Variants in VPS13C observed in about 807,000 individuals in gnomAD.
The protein encoded by VPS13C is vacuolar protein sorting 13 homolog C, also known as intermembrane lipid transfer protein VPS13C.
In VPS13C, 358 loss-of-function variants were observed where a neutral mutation model predicts 456.8. That is an observed-to-expected ratio of 0.78 (90% CI 0.72 to 0.86). VPS13C has a LOEUF of 0.86. Ranked by LOEUF, VPS13C falls within the 40% of genes least tolerant of loss-of-function variation. The pLI, the probability that VPS13C is intolerant of heterozygous loss-of-function variation, is 0.00. For synonymous variants in VPS13C, 1,578 were observed against 1,486.7 expected (o/e 1.06, Z -1.41); for missense variants, 4,818 against 4,385.4 (o/e 1.10, Z -2.79).
Position 61,863,505 on chromosome 15 carries a change from T to G in VPS13C, c.10887A>C (p.Gly3629=). Residue 3629 remains glycine (G), a synonymous_variant, in exon 82 of 85, where the codon GGA becomes GGC. Transcript: ENST00000644861. The stretch of plus-strand genomic sequence containing the variant: ...TAGCACAGTGGTATCGGTAAGTCTC[T>G]CCTTCCAACTTTTTGATATGATTCT... The part of the protein sequence containing the change: ...LLENHIKKLE[G]ETYRYHCAIP... 1.9e-6 allele frequency: 3 copies of G among 1,612,862 alleles called. No individual in the cohort carries two copies. The highest frequency in any genetic ancestry group is 2.5e-6 in the Non-Finnish European group (3 of 1,179,178).
At chr15:61,981,743 GC>G (rs2045895652) in intron 21 of VPS13C, among the ~76,000 whole-genome samples, 1 of 152,050 alleles carries the variant, frequency 6.6e-6, no homozygotes, top group Non-Finnish European at 1.5e-5. Flanking sequence ...GGCGCCTGCA[GC>G]CCCAGCTACT....
intron 16 of VPS13C, among the ~76,000 whole-genome samples, chr15:61,997,635 C>G (rs930302958): frequency 2.0e-5 from 3 of 152,158 alleles, no homozygotes; most frequent in African/African-American, 7.2e-5. Flanking sequence ...CCAACTGCTC[C>G]AAGTCAAAAT....
chr15:62,054,726 A>C (rs577863561), intron 1 of VPS13C, among the ~76,000 whole-genome samples: 33 of 152,006 alleles, frequency 2.2e-4, no homozygotes, highest in African/African-American at 8.0e-4. Flanking sequence ...CCAGAACTTA[A>C]AGTAGAAGTA....
chr15:62,039,838 C>A (rs2048182715), intron 3 of VPS13C, among the ~76,000 whole-genome samples: 1 of 152,032 alleles, frequency 6.6e-6, no homozygotes, highest in Non-Finnish European at 1.5e-5. Flanking sequence ...ACCATATGAT[C>A]CCCCAATCCC....
chr15:62,055,389 G>A (rs909584827), intron 1 of VPS13C, among the ~76,000 whole-genome samples: 8 of 150,536 alleles, frequency 5.3e-5, no homozygotes, highest in East Asian at 3.9e-4. Flanking sequence ...CCCCATGCCC[G>A]GCTAATTTTT....
At chr15:61,872,599 T>A (rs1342058077) in intron 78 of VPS13C, among the ~76,000 whole-genome samples, 1 of 152,064 alleles carries the variant, frequency 6.6e-6, no homozygotes, top group Admixed American at 6.6e-5. Context: ...AACATGAATA[T>A]ACTAATACAT....
chr15:61,982,764 G>A (rs1365553546), intron 20 of VPS13C, among the ~76,000 whole-genome samples, 191 bp from the exon 21 acceptor site: 2 of 152,160 alleles, frequency 1.3e-5, no homozygotes, highest in East Asian at 3.8e-4. Flanking sequence ...CAAGCTTACT[G>A]GAGAGGCAAC....
At chr15:62,052,395 G>T (rs534209143) in intron 1 of VPS13C, among the ~76,000 whole-genome samples, 1 of 152,104 alleles carries the variant, frequency 6.6e-6, no homozygotes, top group Admixed American at 6.5e-5. Context: ...AGAATACCAG[G>T]CCTGGTGCGG....
intron 55 of VPS13C, among the ~76,000 whole-genome samples, chr15:61,920,985 G>C (rs1281121675): frequency 6.6e-6 from 1 of 152,100 alleles, no homozygotes; most frequent in Non-Finnish European, 1.5e-5. Flanking sequence ...AGAGGACCCT[G>C]AAGTCTAAAC....
At chr15:61,935,495 C>T (rs1262346178) in intron 48 of VPS13C, 1 of 152,186 alleles carries the variant, frequency 6.6e-6, no homozygotes, top group Non-Finnish European at 1.5e-5. Context: ...CCAAGTGACA[C>T]GGTGTCCATA....
At position 61,913,626 on chromosome 15, in the gene VPS13C, AGTTCTG is replaced by A. The variant is rs77838058; in HGVS notation, c.8446-217_8446-212del. On this transcript the variant is annotated intron_variant, in intron 61 of 84. Coordinates refer to ENST00000644861, the MANE Select transcript of VPS13C (RefSeq NM_020821.3). ...CTTCCTGAGAAAGTTTGAATGAGAAAGTTCTGACTTTCTCATTCACCTATGCAATGA... is the reference window on the plus strand; with the variant it reads ...CTTCCTGAGAAAGTTTGAATGAGAAAACTTTCTCATTCACCTATGCAATGA... 0.068 allele frequency among the ~76,000 whole-genome samples: 10,353 copies of A among 152,150 alleles called. 573 individuals are homozygous for A. Among genetic ancestry groups the A allele is most frequent in the East Asian group, 0.21 (1,059 of 5,160 alleles).
intron 49 of VPS13C, among the ~76,000 whole-genome samples, chr15:61,933,708 A>G (rs561662281): frequency 6.6e-6 from 1 of 152,238 alleles, no homozygotes; most frequent in South Asian, 2.1e-4. Flanking sequence ...TCATCATGGC[A>G]TAAGACCTTG....
chr15:61,865,544 G>T (rs1365909616), intron 81 of VPS13C: 1 of 890,410 alleles, frequency 1.1e-6, no homozygotes, highest in Non-Finnish European at 1.3e-6. Flanking sequence ...ATGTATATAT[G>T]TATGTGTAAA....
In VPS13C at chr15:61,918,224, A is replaced by C; in HGVS notation, c.7672T>G (p.Tyr2558Asp). The change falls in exon 59 of 85, where the codon TAT becomes GAT. Residue 2558 changes from tyrosine (Y) to aspartate (D), a missense_variant. This residue lies in a region of VPS13C where 4,552 missense variants were observed against 4,130.6 expected (regional missense o/e 1.10). Transcript: ENST00000644861. ...AGCTTAACATTCTTAACAAATTTAT[A>C]GATGATAAATGCAATGGAGAAATGG... Reference protein sequence around the residue: ...KNHFSIAFIIYKFVKNVKLLE... With the variant: ...KNHFSIAFIIDKFVKNVKLLE... 6.3e-7 allele frequency: 1 copy of C among 1,591,246 alleles called. No individual in the cohort carries two copies. The highest frequency in any genetic ancestry group is 8.5e-7 in the Non-Finnish European group (1 of 1,170,382).
chr15:62,040,120 C>T (rs1386703636), intron 3 of VPS13C, among the ~76,000 whole-genome samples: 1 of 152,076 alleles, frequency 6.6e-6, no homozygotes, highest in Non-Finnish European at 1.5e-5. Flanking sequence ...AATAGACAAG[C>T]TTCACATGTT....
At position 61,895,503 on chromosome 15, in the gene VPS13C, T is replaced by A. The variant is rs533945478; in HGVS notation, c.9106-5103A>T. On this transcript the variant is annotated intron_variant, in intron 66 of 84. Transcript: ENST00000644861. ...TCAAATCAATAAAATCAGACATGAA[T>A]AAGGAGACTTATAACAGTTGATACC... Among the ~76,000 whole-genome samples, 133 of 152,236 alleles carry A rather than the reference T, an allele frequency of 8.7e-4. No individual in the cohort carries two copies. The Middle Eastern group carries it at 0.01, about 12-fold the overall frequency.
intron 9 of VPS13C, among the ~76,000 whole-genome samples, chr15:62,017,210 A>G (rs1436404339): frequency 4.6e-5 from 7 of 152,102 alleles, no homozygotes; most frequent in South Asian, 2.1e-4. Flanking sequence ...AGTAGGTTGC[A>G]AAAATTTTCT....
chr15:61,940,762 T>A lies in VPS13C; in HGVS notation c.5486A>T (p.Asp1829Val). The A allele has an allele frequency of 6.2e-7, 1 of 1,613,540 alleles. No individual in the cohort carries two copies. Among genetic ancestry groups the A allele is most frequent in the Non-Finnish European group, 8.5e-7 (1 of 1,179,752 alleles). ...TILQASLPQN[D>V]IEILKPVNML... Reference sequence around the variant, plus strand: ...GTTGACTGGTTTTAAAATTTCAATGTCATTTTGTGGCAAGCTAGCCTGCAA... The same window carrying A: ...GTTGACTGGTTTTAAAATTTCAATGACATTTTGTGGCAAGCTAGCCTGCAA... Residue 1829 changes from aspartate to valine, a missense_variant, in exon 47 of 85, where the codon GAC becomes GTC. By Grantham distance (152) the Asp-to-Val change is radical. Coordinates refer to ENST00000644861, the MANE Select transcript of VPS13C (RefSeq NM_020821.3).
chr15:61,864,553 T>A (rs1245245550), intron 81 of VPS13C: 1 of 925,288 alleles, frequency 1.1e-6, no homozygotes, highest in Non-Finnish European at 1.3e-6. Context: ...ATTAAAAGGA[T>A]AATATAATCA....
Sources: gnomAD v4.1 joint callset for allele counts (sites outside exome capture counted in the v4.1 genomes callset) on GRCh38, gnomAD v4.1.1 for gene constraint, gnomAD v4.1.1 regional missense constraint, MANE v1.5 for transcripts, NCBI Gene and HGNC (gene_info 2026-07-23, HGNC 2026-07-21) for gene names.